The following LARP4B variants were observed in gnomAD, a reference collection of about 807,000 sequenced individuals.
The protein encoded by LARP4B is la-related protein 4B.
LARP4B carries 12 observed loss-of-function variants against 89.8 expected under a neutral mutation model. The observed-to-expected ratio is 0.13, with a 90% confidence interval of 0.09 to 0.22. LARP4B has a LOEUF of 0.22. LARP4B is among the 10% of genes least tolerant of loss of function. The probability of loss-of-function intolerance (pLI) is 1.00; values close to 1 mark genes in which losing one functional copy is unlikely to be tolerated. For synonymous variants in LARP4B, 367 were observed against 363.3 expected (o/e 1.01, Z -0.12); for missense variants, 757 against 947.7 (o/e 0.80, Z 2.64).
chr10:968,586 C>CT, the LARP4B span, among the ~76,000 whole-genome samples: 1 of 148,122 alleles, frequency 6.8e-6, no homozygotes, highest in Non-Finnish European at 1.5e-5. Context: ...AGGACGGAGA[C>CT]TGACTCCCAC....
At chr10:867,819 C>T (rs1369207181) in intron 3 of LARP4B, among the ~76,000 whole-genome samples, 1 of 148,052 alleles carries the variant, frequency 6.8e-6, no homozygotes, top group Non-Finnish European at 1.5e-5. Flanking sequence ...TGAGATAGTA[C>T]CACTGCCCTC....
chr10:932,808 C>T (rs1206831609), upstream of LARP4B, among the ~76,000 whole-genome samples: 1 of 149,342 alleles, frequency 6.7e-6, no homozygotes, highest in Non-Finnish European at 1.5e-5. Context: ...GGCACTGCCC[C>T]GAACCCCCGC....
chr10:923,376 A>G (rs111965326), intron 1 of LARP4B, among the ~76,000 whole-genome samples: 96 of 152,214 alleles, frequency 6.3e-4, no homozygotes, highest in African/African-American at 2.3e-3. Flanking sequence ...CAATTACCGC[A>G]TCTTTTCCTT....
intron 1 of LARP4B, among the ~76,000 whole-genome samples, chr10:927,285 CG>C (rs925462680): frequency 1.3e-5 from 2 of 150,966 alleles, no homozygotes; most frequent in Admixed American, 6.6e-5. Flanking sequence ...TATGGGGTGG[CG>C]GGGGGGCAGT....
intron 1 of LARP4B, among the ~76,000 whole-genome samples, chr10:908,245 G>C (rs954957570): frequency 6.6e-6 from 1 of 152,162 alleles, no homozygotes; most frequent in Non-Finnish European, 1.5e-5. Context: ...GGTTTGGGGA[G>C]CTTCCAGATA....
intron 9 of LARP4B, 74 bp from the exon 10 acceptor site, chr10:829,808 A>C: frequency 1.0e-6 from 1 of 957,318 alleles, no homozygotes; most frequent in Non-Finnish European, 1.7e-6. Context: ...TTCACTCAAT[A>C]GCTCAAATAG....
Position 812,778 on chromosome 10 carries a change from C to A in LARP4B, c.*148G>T, listed in dbSNP as rs1219693587. On this transcript the variant is annotated 3_prime_UTR_variant, in exon 18 of 18. Transcript: ENST00000316157. ...GATTTTTTTTCAAGAGGGGGAGAAT[C>A]CAACTCACAGAAGAAAACCAACTTG... The A allele has an allele frequency of 8.7e-6, 5 of 577,526 alleles. No individual in the cohort carries two copies. The highest frequency in any genetic ancestry group is 1.3e-5 in the Non-Finnish European group (5 of 376,034). The allele number at this position is 577,526 out of a possible 1,614,324, so 35.8% of individuals were successfully genotyped here.
the LARP4B span, among the ~76,000 whole-genome samples, chr10:967,480 A>G: frequency 6.6e-6 from 1 of 152,222 alleles, no homozygotes; most frequent in Non-Finnish European, 1.5e-5. Flanking sequence ...CAAAGAGATG[A>G]AAAATAAAAG....
At chr10:905,424 T>G (rs1179197871) in intron 1 of LARP4B, among the ~76,000 whole-genome samples, 1 of 152,162 alleles carries the variant, frequency 6.6e-6, no homozygotes, top group Non-Finnish European at 1.5e-5. Flanking sequence ...ACAATTATAA[T>G]CCTATATAGC....
chr10:924,291 A>AT (rs1461573107), intron 1 of LARP4B: 2 of 152,210 alleles, frequency 1.3e-5, no homozygotes, highest in Middle Eastern at 3.2e-3. Flanking sequence ...AATTAAAGGG[A>AT]TTTTAAGGAA....
upstream of LARP4B, among the ~76,000 whole-genome samples, chr10:934,905 A>G (rs1049798751): frequency 1.3e-5 from 2 of 152,092 alleles, no homozygotes; most frequent in African/African-American, 4.8e-5. Context: ...GCTACAGTCC[A>G]TTACTCACAG....
chr10:831,608 G>T (rs79091035), intron 8 of LARP4B, among the ~76,000 whole-genome samples: 1 of 152,244 alleles, frequency 6.6e-6, no homozygotes, highest in Non-Finnish European at 1.5e-5. Context: ...CACCAAGAGA[G>T]GAATGGTTTG....
At chr10:877,642 C>G (rs1199347085) in intron 3 of LARP4B, among the ~76,000 whole-genome samples, 3 of 152,066 alleles carry the variant, frequency 2.0e-5, no homozygotes, top group African/African-American at 7.2e-5. Flanking sequence ...ATAACAGTAC[C>G]TAGGGGTAAG....
At chr10:963,317 C>T in the LARP4B span, among the ~76,000 whole-genome samples, 5 of 152,212 alleles carry the variant, frequency 3.3e-5, no homozygotes, top group African/African-American at 4.8e-5. Flanking sequence ...CTCACCCCAT[C>T]ATCTTCTTTC....
At chr10:897,804 A>G (rs1836230171) in intron 1 of LARP4B, among the ~76,000 whole-genome samples, 1 of 151,926 alleles carries the variant, frequency 6.6e-6, no homozygotes. Flanking sequence ...CCTGGCCAAC[A>G]TGGTGAGACC....
intron 1 of LARP4B, among the ~76,000 whole-genome samples, chr10:916,926 G>T (rs1836837103): frequency 6.6e-6 from 1 of 152,086 alleles, no homozygotes; most frequent in African/African-American, 2.4e-5. Flanking sequence ...TTGAACTCAT[G>T]GCCTCAAGCG....
At chr10:916,164 A>ATGGGC (rs1275196814) in intron 1 of LARP4B, among the ~76,000 whole-genome samples, 1 of 152,148 alleles carries the variant, frequency 6.6e-6, no homozygotes, top group Non-Finnish European at 1.5e-5. Flanking sequence ...TGAAATCCTG[A>ATGGGC]TATGTCTTGA....
intron 11 of LARP4B, among the ~76,000 whole-genome samples, chr10:828,097 G>C (rs953106172): frequency 1.1e-4 from 17 of 152,240 alleles, no homozygotes; most frequent in Middle Eastern, 3.4e-3. Flanking sequence ...AGAAACCTCA[G>C]ACACCTTCCC....
intron 5 of LARP4B, among the ~76,000 whole-genome samples, 188 bp from the exon 6 acceptor site, chr10:845,243 C>T (rs192942570): frequency 6.6e-6 from 1 of 152,178 alleles, no homozygotes; most frequent in Non-Finnish European, 1.5e-5. Context: ...CCCTTTATCC[C>T]CCAAAACAAA....
Sources: allele counts gnomAD v4.1 joint callset (sites outside exome capture counted in the v4.1 genomes callset), GRCh38; gene constraint gnomAD v4.1.1; transcripts MANE v1.5; gene names NCBI Gene and HGNC (gene_info 2026-07-23, HGNC 2026-07-21).